The following HMCN2 variants were observed in gnomAD, a reference collection of about 807,000 sequenced individuals.
HMCN2 encodes the protein hemicentin-2.
Under a neutral mutation model 377.5 loss-of-function variants are expected in HMCN2, and 325 were observed. That is an observed-to-expected ratio of 0.86 (90% confidence interval 0.79 to 0.94). The LOEUF is 0.94. Ranked by LOEUF, HMCN2 falls within the 40% of genes least tolerant of loss-of-function variation. The pLI is 0.00. For missense variants in HMCN2, 4,543 were observed against 4,725.3 expected, an observed-to-expected ratio of 0.96 and a Z score of 1.13; for synonymous variants, 2,007 against 2,046.8, an observed-to-expected ratio of 0.98 and a Z score of 0.53.
At position 130,359,199 on chromosome 9, in the gene HMCN2, T is replaced by A. The variant is rs1355897749; in HGVS notation, c.5678-120T>A. The A allele has an allele frequency of 9.9e-6, 4 of 405,940 alleles. No individual in the cohort carries two copies. In the Admixed American group the frequency reaches 1.4e-4, roughly 14 times the overall value. 25.1% of individuals were successfully genotyped at this position (405,940 alleles called of 1,614,324 possible). Reference sequence around the variant, plus strand: ...CTTAGTCTGAGGACATGAGCTGTTTTAGAGCCCTTAGTCTAGGATTTTCTA... The same window carrying A: ...CTTAGTCTGAGGACATGAGCTGTTTAAGAGCCCTTAGTCTAGGATTTTCTA... On this transcript the variant is annotated intron_variant, in intron 36 of 97. Transcript: ENST00000683500.
chr9:130,423,404 T>C lies in HMCN2; in HGVS notation c.13381+678T>C, dbSNP rs1844129527. ...CTTGGCCATGGTCCCGCATGAGCAG[T>C]GTGGGGTCAGGGGATTTTGCTGGGG... On this transcript the variant is annotated intron_variant, in intron 87 of 97. Transcript: ENST00000683500. This position sits in a 1 kb window ranked among gnomAD's most constrained non-coding sequence, Gnocchi z 5.5. Among the ~76,000 whole-genome samples, 2 of 152,066 alleles carry C rather than the reference T, an allele frequency of 1.3e-5. No homozygotes were observed.
At chr9:130,281,597 CAAA>C (rs34694457) in intron 1 of HMCN2, among the ~76,000 whole-genome samples, 1 of 148,144 alleles carries the variant, frequency 6.8e-6, no homozygotes. Flanking sequence ...GACTCAGTCT[CAAA>C]AAAAAAAAGG....
chr9:130,334,936 G>A (rs1838663138), intron 22 of HMCN2, among the ~76,000 whole-genome samples: 1 of 150,880 alleles, frequency 6.6e-6, no homozygotes, highest in Non-Finnish European at 1.5e-5. Context: ...TCCTGGGCTT[G>A]AGTGATCCTC....
At chr9:130,421,306 C>A (rs985653976) in intron 86 of HMCN2, among the ~76,000 whole-genome samples, 1 of 152,104 alleles carries the variant, frequency 6.6e-6, no homozygotes. Flanking sequence ...AAAGCCACAC[C>A]GTGCTGCGTA....
intron 15 of HMCN2, among the ~76,000 whole-genome samples, chr9:130,317,892 A>G (rs1837649362): frequency 6.6e-6 from 1 of 151,926 alleles, no homozygotes; most frequent in Non-Finnish European, 1.5e-5. Context: ...GGAGGAGAGG[A>G]ATCAGAGGCA....
chr9:130,370,962 A>G lies in HMCN2; in HGVS notation c.7070-2A>G. ...TGAATGTGGCTTCTTCTTTGTGTCC[A>G]GTGCCCCCAGAGCTCATTGGAGACT... On this transcript the variant is annotated splice_acceptor_variant, in intron 45 of 97. Coordinates refer to ENST00000683500, the MANE Select transcript of HMCN2 (RefSeq NM_001291815.2). LOFTEE classifies it high-confidence loss of function. 1.0e-6 allele frequency: 1 copy of G among 986,202 alleles called. No homozygotes were observed. The highest frequency in any genetic ancestry group is 1.2e-6 in the Non-Finnish European group (1 of 830,190). The allele number at this position is 986,202 out of a possible 1,614,324, so 61.1% of individuals were successfully genotyped here. A position where few individuals can be genotyped will look rare whatever the true frequency, so the allele number is the denominator to read the frequency against.
intron 25 of HMCN2, among the ~76,000 whole-genome samples, chr9:130,345,284 T>C (rs1839319169): frequency 6.7e-6 from 1 of 148,372 alleles, no homozygotes; most frequent in South Asian, 2.2e-4. Flanking sequence ...TAGTGTATGG[T>C]GTGTACGTGG....
At chr9:130,330,308 G>C (rs1838363026) in intron 22 of HMCN2, among the ~76,000 whole-genome samples, 1 of 152,164 alleles carries the variant, frequency 6.6e-6, no homozygotes, top group Non-Finnish European at 1.5e-5. Context: ...GAATTCTGCG[G>C]TGTAGTCAGG....
chr9:130,430,345 C>A lies in HMCN2; in HGVS notation c.14388C>A (p.Gly4796=). The change falls in exon 95 of 98, where the codon GGC becomes GGA. Residue 4796 remains glycine, a synonymous_variant. Coordinates refer to ENST00000683500, the MANE Select transcript of HMCN2 (RefSeq NM_001291815.2). The stretch of plus-strand genomic sequence containing the variant: ...CCTACCAGTGCCACAACCTCCAGGG[C>A]AGCTACCGCTGCCTGTGCCCCCCAG... The part of the protein sequence containing the change: ...ACAYQCHNLQ[G]SYRCLCPPGQ... The A allele has an allele frequency of 6.5e-7, 1 of 1,548,324 alleles. No homozygotes were observed. The highest frequency in any genetic ancestry group is 8.7e-7 in the Non-Finnish European group (1 of 1,146,906).
At chr9:130,317,130 AG>A (rs1199537447) in intron 15 of HMCN2, among the ~76,000 whole-genome samples, 1 of 139,144 alleles carries the variant, frequency 7.2e-6, no homozygotes, top group Non-Finnish European at 1.6e-5. Context: ...CCAGGTGCTG[AG>A]GGGGAAGCAG....
At chr9:130,327,999 C>G (rs1006912657) in intron 22 of HMCN2, among the ~76,000 whole-genome samples, 10 of 152,202 alleles carry the variant, frequency 6.6e-5, no homozygotes, top group African/African-American at 1.7e-4. Context: ...GCCGTACCCC[C>G]CAGGAGGGGA....
At chr9:130,396,117 ACCCCCTT>A in intron 72 of HMCN2, 45 bp from the exon 73 acceptor site, 1 of 518,682 alleles carries the variant, frequency 1.9e-6, no homozygotes, top group Non-Finnish European at 2.3e-6. Flanking sequence ...CACCCTGCCC[ACCCCCTT>A]AGAGCCACAG....
chr9:130,373,153 G>A (rs930908916), intron 48 of HMCN2, 29 bp downstream of exon 48: 251 of 917,170 alleles, frequency 2.7e-4, no homozygotes, highest in Non-Finnish European at 3.2e-4. Flanking sequence ...GATGGGCTGG[G>A]AGAAGGGGCG....
At position 130,278,901 on chromosome 9, in the gene HMCN2, CT is replaced by C. The variant is rs1162905487; in HGVS notation, c.260-5687del. On this transcript the variant is annotated intron_variant, in intron 1 of 97. Coordinates refer to ENST00000683500, the MANE Select transcript of HMCN2 (RefSeq NM_001291815.2). ...CAGCCTGAGACCCTATTTTCTTTTT[CT>C]TTTTTTTTTTTTTTGAGACGGAGTC... 7.5e-3 allele frequency among the ~76,000 whole-genome samples: 994 copies of C among 132,284 alleles called. 7 individuals are homozygous for C. Among genetic ancestry groups the C allele is most frequent in the African/African-American group, 0.017 (598 of 35,924 alleles). The allele number at this position is 132,284 out of a possible 152,430, so 86.8% of individuals were successfully genotyped here. A position where few individuals can be genotyped will look rare whatever the true frequency, so the allele number is the denominator to read the frequency against.
In HMCN2 at chr9:130,399,525, A is replaced by G. The variant is rs767622557; in HGVS notation, c.11498A>G (p.Asn3833Ser). ...GTCCACCCCAGGCTCCTGCCCTCCAACGCCCTGCTCCTCACGGCCCCCGGC... is the reference window on the plus strand; with the variant it reads ...GTCCACCCCAGGCTCCTGCCCTCCAGCGCCCTGCTCCTCACGGCCCCCGGC... ...QQGAYRLLPS[N>S]ALLLTAPGPQ... Residue 3833 changes from asparagine (N) to serine (S), a missense_variant, in exon 76 of 98, where the codon AAC (asparagine) becomes AGC (serine). By Grantham distance (46) the Asn-to-Ser change is conservative. Transcript: ENST00000683500. 2 of 1,288,074 alleles carry G rather than the reference A, an allele frequency of 1.6e-6. No homozygotes were observed. Among genetic ancestry groups the G allele is most frequent in the South Asian group, 2.5e-5 (2 of 80,860 alleles). 79.8% of individuals were successfully genotyped at this position (1,288,074 alleles called of 1,614,324 possible).
At chr9:130,316,016 A>C (rs1837543828) in intron 15 of HMCN2, among the ~76,000 whole-genome samples, 1 of 152,188 alleles carries the variant, frequency 6.6e-6, no homozygotes, top group East Asian at 1.9e-4. Context: ...CGTAGCAGAC[A>C]GGGCTCAGGC....
At chr9:130,384,942 G>C (rs1212497195) in intron 59 of HMCN2, 144 bp downstream of exon 59, 2 of 437,358 alleles carry the variant, frequency 4.6e-6, no homozygotes, top group Non-Finnish European at 4.1e-6. Context: ...GCTCTGAGGA[G>C]GGGGAGCAGT....
chr9:130,416,335 C>T (rs144873534), intron 85 of HMCN2, among the ~76,000 whole-genome samples: 69 of 152,182 alleles, frequency 4.5e-4, no homozygotes, highest in African/African-American at 1.5e-3. Flanking sequence ...AAACTCCTGA[C>T]TTAAGGTGAT....
intron 55 of HMCN2, 33 bp downstream of exon 55, chr9:130,382,330 G>C: frequency 1.1e-6 from 1 of 946,838 alleles, no homozygotes. Context: ...GGGGATTCCC[G>C]GGACTGCAAG....
Sources: gnomAD v4.1 joint callset for allele counts (sites outside exome capture counted in the v4.1 genomes callset) on GRCh38, gnomAD v4.1.1 for gene constraint, Gnocchi (gnomAD v3.1) non-coding constraint, MANE v1.5 for transcripts, NCBI Gene and HGNC (gene_info 2026-07-23, HGNC 2026-07-21) for gene names.